The following LRIG1 variants were observed in gnomAD, a reference collection of about 807,000 sequenced individuals.
LRIG1 encodes the protein leucine rich repeats and immunoglobulin like domains 1, also known as leucine-rich repeats and immunoglobulin-like domains protein 1.
Under a neutral mutation model 99.2 loss-of-function variants are expected in LRIG1, and 48 were observed. That is an observed-to-expected ratio of 0.48 (90% CI 0.38 to 0.62). LRIG1 has a LOEUF of 0.62. Ranked by LOEUF, LRIG1 falls within the 20% of genes least tolerant of loss-of-function variation. LRIG1 has a pLI of 0.00. For synonymous variants in LRIG1, 772 were observed against 596.1 expected (o/e 1.29, Z -4.30); for missense variants, 1,646 against 1,434.4 (o/e 1.15, Z -2.38).
At chr3:66,454,730 G>A (rs1700171682) in intron 2 of LRIG1, among the ~76,000 whole-genome samples, 2 of 152,220 alleles carry the variant, frequency 1.3e-5, no homozygotes, top group African/African-American at 4.8e-5. Flanking sequence ...GCAGAACCTA[G>A]GGGTGGGTCC....
intron 1 of LRIG1, among the ~76,000 whole-genome samples, chr3:66,466,667 C>T (rs147703137): frequency 3.2e-4 from 48 of 152,260 alleles, no homozygotes; most frequent in African/African-American, 1.1e-3. Flanking sequence ...TTAATGAGGC[C>T]TTTCTTTCAG....
chr3:66,394,077 C>G lies in LRIG1; in HGVS notation c.1431G>C (p.Gln477His), dbSNP rs1364969301. The change falls in exon 12 of 19, where the codon CAG becomes CAC. Residue 477 changes from glutamine to histidine, a missense_variant. By Grantham distance (24) the Gln-to-His change is conservative. Coordinates refer to ENST00000273261, the MANE Select transcript of LRIG1 (RefSeq NM_015541.3). The part of the protein sequence containing the change: ...TCAHPESLKG[Q>H]SIFSVPPESF... ...TCTCTGGTGGCACAGAGAAAATGCT[C>G]TGACCCTTCAGTGATTCTGGGTGGG... 4 of 1,614,154 alleles carry G rather than the reference C, an allele frequency of 2.5e-6. No individual in the cohort carries two copies. Among genetic ancestry groups the G allele is most frequent in the South Asian group, 2.2e-5 (2 of 91,034 alleles).
chr3:66,485,225 T>C (rs1180076583), intron 1 of LRIG1, among the ~76,000 whole-genome samples: 1 of 151,726 alleles, frequency 6.6e-6, no homozygotes, highest in East Asian at 1.9e-4. Context: ...CCTTCCATCT[T>C]GCTGCTACAT....
At chr3:66,473,364 T>A (rs1700646835) in intron 1 of LRIG1, among the ~76,000 whole-genome samples, 1 of 152,200 alleles carries the variant, frequency 6.6e-6, no homozygotes, top group African/African-American at 2.4e-5. Flanking sequence ...GAGTCCTCTA[T>A]CAGCCTCCAC....
chr3:66,469,052 A>G (rs1462462139), intron 1 of LRIG1: 6 of 152,214 alleles, frequency 3.9e-5, no homozygotes, highest in Admixed American at 3.9e-4. Context: ...GATAATGCAC[A>G]TTAAAGGCTT....
chr3:66,410,047 G>A lies in LRIG1; in HGVS notation c.935+82C>T, dbSNP rs1179952701. The A allele has an allele frequency of 4.9e-6, 7 of 1,439,358 alleles. No individual in the cohort carries two copies. The East Asian group carries it at 9.2e-5, about 19-fold the overall frequency. 89.2% of individuals were successfully genotyped at this position (1,439,358 alleles called of 1,614,324 possible). On this transcript the variant is annotated intron_variant, in intron 7 of 18. Coordinates refer to ENST00000273261, the MANE Select transcript of LRIG1 (RefSeq NM_015541.3). ...TGAGCCCTCCCCGAGGCCACTGTGT[G>A]GTGGAACGAACCAGGCCTAGCACTT...
At chr3:66,468,487 C>T (rs1394855077) in intron 1 of LRIG1, among the ~76,000 whole-genome samples, 1 of 152,178 alleles carries the variant, frequency 6.6e-6, no homozygotes, top group Non-Finnish European at 1.5e-5. Context: ...TTTCCCATTA[C>T]TCAATTCTGT....
rs371380110 is a variant in LRIG1 at position 66,383,046 on chromosome 3, C to A, written c.2427G>T (p.Leu809=). Residue 809 remains leucine (L), a synonymous_variant, in exon 15 of 19, where the codon CTG becomes CTT. Coordinates refer to ENST00000273261, the MANE Select transcript of LRIG1 (RefSeq NM_015541.3). ...TCTGGTAGATGATGCACACCCAGAC[C>A]AGTGACGTCAGGACGATGCTGCTCA... ...AVVSSIVLTS[L]VWVCIIYQTR... is the part of the protein sequence containing the mutation. 2.5e-6 allele frequency: 4 copies of A among 1,614,110 alleles called. No individual in the cohort carries two copies. The highest frequency in any genetic ancestry group is 3.4e-6 in the Non-Finnish European group (4 of 1,180,042).
chr3:66,434,006 A>G (rs1315777078), intron 3 of LRIG1, among the ~76,000 whole-genome samples: 1 of 152,258 alleles, frequency 6.6e-6, no homozygotes, highest in Non-Finnish European at 1.5e-5. Context: ...AAAACACAAG[A>G]GAAAATCTTT....
At chr3:66,431,002 G>A (rs888513394) in intron 3 of LRIG1, among the ~76,000 whole-genome samples, 7 of 151,474 alleles carry the variant, frequency 4.6e-5, no homozygotes, top group Non-Finnish European at 7.4e-5. Context: ...CCACCACACC[G>A]AGACCCCGCC....
At chr3:66,428,674 G>C (rs1176721551) in intron 3 of LRIG1, among the ~76,000 whole-genome samples, 1 of 152,208 alleles carries the variant, frequency 6.6e-6, no homozygotes, top group South Asian at 2.1e-4. Context: ...TCCCTTCTCA[G>C]AATGACAGTT....
intron 2 of LRIG1, among the ~76,000 whole-genome samples, chr3:66,458,743 G>A (rs1251567450): frequency 2.0e-5 from 3 of 151,998 alleles, no homozygotes; most frequent in Non-Finnish European, 4.4e-5. Context: ...CAGGCCAGGC[G>A]TGGTGGCTCA....
In LRIG1 at chr3:66,381,544, G is replaced by A. The variant is rs145814348; in HGVS notation, c.2705C>T (p.Ala902Val). ...CGCTTTCCACGGCTCTTTGTGATACGCAGACCCAGCACAGAGCTTTGGCTG... is the reference window on the plus strand; with the variant it reads ...CGCTTTCCACGGCTCTTTGTGATACACAGACCCAGCACAGAGCTTTGGCTG... ...CRQPKLCAGS[A>V]YHKEPWKAME... The change falls in exon 17 of 19, where the codon GCG becomes GTG. Residue 902 changes from alanine to valine, a missense_variant. Coordinates refer to ENST00000273261, the MANE Select transcript of LRIG1 (RefSeq NM_015541.3). 1,047 of 1,614,010 alleles carry A rather than the reference G, an allele frequency of 6.5e-4. 8 individuals are homozygous for A. In the East Asian group the frequency reaches 0.016, roughly 24 times the overall value.
At position 66,383,387 on chromosome 3, in the gene LRIG1, C is replaced by A; in HGVS notation, c.2086G>T (p.Val696Leu). The A allele has an allele frequency of 1.3e-6, 2 of 1,559,854 alleles. No homozygotes were observed. Among genetic ancestry groups the A allele is most frequent in the South Asian group, 2.4e-5 (2 of 82,336 alleles). Residue 696 changes from valine to leucine, a missense_variant, in exon 15 of 19, where the codon GTG (valine) becomes TTG (leucine). Transcript: ENST00000273261. ...TLTVLETPSLVVPLEDRVVSV... is the reference protein window; with the variant it reads ...TLTVLETPSLLVPLEDRVVSV... ...ACCACACGGTCTTCCAAGGGGACCA[C>A]CAAGGATGGGGTCTCTACAAGAGAG...
intron 12 of LRIG1, chr3:66,386,576 C>T (rs1157783232): frequency 7.7e-6 from 3 of 391,020 alleles, no homozygotes; most frequent in Admixed American, 8.3e-5. Flanking sequence ...AACCAGCCAG[C>T]CGGCAGTTTC....
intron 14 of LRIG1, 92 bp from the exon 15 acceptor site, chr3:66,383,493 T>C (rs1316817734): frequency 4.5e-6 from 5 of 1,109,748 alleles, no homozygotes; most frequent in Non-Finnish European, 6.4e-6. Flanking sequence ...ATCCAACATA[T>C]CAATGAGATG....
chr3:66,418,173 C>A (rs1702680390), intron 3 of LRIG1, among the ~76,000 whole-genome samples: 1 of 152,100 alleles, frequency 6.6e-6, no homozygotes, highest in South Asian at 2.1e-4. Flanking sequence ...CTCACTGCAA[C>A]CTCCGCCTCC....
chr3:66,412,814 A>G, intron 6 of LRIG1, 57 bp downstream of exon 6: 2 of 1,599,506 alleles, frequency 1.3e-6, no homozygotes, highest in Non-Finnish European at 8.5e-7. Context: ...CACACGCCAC[A>G]TCACACCACA....
intron 14 of LRIG1, 131 bp from the exon 15 acceptor site, chr3:66,383,532 G>A (rs766703693): frequency 2.4e-6 from 2 of 847,724 alleles, no homozygotes; most frequent in Non-Finnish European, 1.8e-6. Flanking sequence ...AGAGTGGCAA[G>A]CTTTGGAGAA....
Sources: allele counts gnomAD v4.1 joint callset (sites outside exome capture counted in the v4.1 genomes callset), GRCh38; gene constraint gnomAD v4.1.1; transcripts MANE v1.5; gene names NCBI Gene and HGNC (gene_info 2026-07-23, HGNC 2026-07-21).